The following CALD1 variants were observed in gnomAD, a reference collection of about 807,000 sequenced individuals.
CALD1 encodes caldesmon 1, also known as caldesmon.
A neutral mutation model predicts 99.9 loss-of-function variants in CALD1; 33 were observed. The ratio of observed to expected loss-of-function variants is 0.33; its 90% CI spans 0.25 to 0.44. CALD1 has a LOEUF of 0.44. CALD1 is among the 20% of genes least tolerant of loss of function. CALD1 has a pLI of 1.00. For synonymous variants in CALD1, 310 were observed against 325.0 expected (o/e 0.95, Z 0.50); for missense variants, 861 against 962.1 (o/e 0.89, Z 1.39).
intron 9 of CALD1, among the ~76,000 whole-genome samples, chr7:134,953,146 T>G (rs1687402765): frequency 6.6e-6 from 1 of 152,200 alleles, no homozygotes; most frequent in African/African-American, 2.4e-5. Flanking sequence ...GAAATATTAT[T>G]CTTCTTTTGA....
the CALD1 span, among the ~76,000 whole-genome samples, chr7:134,717,025 A>G: frequency 9.2e-5 from 14 of 152,242 alleles, no homozygotes; most frequent in East Asian, 1.5e-3. Flanking sequence ...TCTATCATCT[A>G]TCTATCTGTC....
In CALD1 at chr7:134,933,520, A is replaced by T; in HGVS notation, c.751A>T (p.Ile251Phe). The T allele has an allele frequency of 5.6e-6, 9 of 1,614,016 alleles. No individual in the cohort carries two copies. The highest frequency in any genetic ancestry group is 7.6e-6 in the Non-Finnish European group (9 of 1,179,970). ...GGAGAGGGAACAAGGTTCAGATGAGATTTCCCATCATGAAAAGATGGAAGA... is the reference window on the plus strand; with the variant it reads ...GGAGAGGGAACAAGGTTCAGATGAGTTTTCCCATCATGAAAAGATGGAAGA... ...EEEREQGSDE[I>F]SHHEKMEEED... is the part of the protein sequence containing the mutation. Residue 251 changes from isoleucine to phenylalanine, a missense_variant, in exon 5 of 15, where the codon ATT (isoleucine) becomes TTT (phenylalanine). By Grantham distance (21) the Ile-to-Phe change is conservative. Around this residue, in one of 5 missense-constraint regions of CALD1, gnomAD observed 234 missense variants for 233.1 expected, o/e 1.00. Transcript: ENST00000361675.
At chr7:134,897,848 A>T (rs538524118) in intron 3 of CALD1, among the ~76,000 whole-genome samples, 21 of 152,242 alleles carry the variant, frequency 1.4e-4, no homozygotes, top group Non-Finnish European at 5.9e-5. Flanking sequence ...CTGGGGCTAC[A>T]GATGTGTGCC....
At chr7:134,830,545 A>G (rs975997179) in intron 1 of CALD1, among the ~76,000 whole-genome samples, 27 of 151,952 alleles carry the variant, frequency 1.8e-4, no homozygotes, top group African/African-American at 6.5e-4. Context: ...TATTTTTCCT[A>G]ATCCTCTCTC....
chr7:134,712,697 T>A, the CALD1 span, among the ~76,000 whole-genome samples: 1 of 152,192 alleles, frequency 6.6e-6, no homozygotes, highest in Admixed American at 6.5e-5. Context: ...TGCGGAGACT[T>A]TGATGCTCAA....
At chr7:134,749,555 GTGAGCTAAGAT>G (rs1796666510) in intron 1 of CALD1, among the ~76,000 whole-genome samples, 1 of 152,198 alleles carries the variant, frequency 6.6e-6, no homozygotes, top group South Asian at 2.1e-4. Flanking sequence ...GGAAGTTGCA[GTGAGCTAAGAT>G]CGCGCCATTA....
the CALD1 span, among the ~76,000 whole-genome samples, chr7:134,733,373 G>C: frequency 2.0e-5 from 3 of 152,052 alleles, no homozygotes; most frequent in Non-Finnish European, 2.9e-5. Flanking sequence ...GGAGTTTATG[G>C]GAAAAATGTC....
the CALD1 span, among the ~76,000 whole-genome samples, chr7:134,722,326 A>G: frequency 1.2e-4 from 18 of 151,760 alleles, no homozygotes; most frequent in African/African-American, 3.9e-4. Flanking sequence ...TTCTTCTTCT[A>G]ATCTTTTGAT....
rs1554479082 is a variant in CALD1 at position 134,958,885 on chromosome 7, A to ATATATATATATATTTAAC, written c.2061+608_2061+609insTTAACTATATATATATAT. On this transcript the variant is annotated intron_variant, in intron 11 of 14. Transcript: ENST00000361675. ...TACTGGTATTTAAATATATATATAT[A>ATATATATATATATTTAAC]TATATATATATATATATATATATAT... Among the ~76,000 whole-genome samples the ATATATATATATATTTAAC allele has an allele frequency of 2.4e-3, 114 of 46,734 alleles. 1 individual carries two copies. Among genetic ancestry groups the ATATATATATATATTTAAC allele is most frequent in the South Asian group, 0.019 (25 of 1,336 alleles). The allele number at this position is 46,734 out of a possible 152,430, so 30.7% of individuals were successfully genotyped here. A position where few individuals can be genotyped will look rare whatever the true frequency, so the allele number is the denominator to read the frequency against.
At chr7:134,919,623 A>G (rs539109936) in intron 3 of CALD1, among the ~76,000 whole-genome samples, 14 of 152,300 alleles carry the variant, frequency 9.2e-5, no homozygotes, top group East Asian at 1.9e-4. Context: ...AAATATGTCT[A>G]TGTATGGGGA....
intron 1 of CALD1, among the ~76,000 whole-genome samples, chr7:134,750,672 G>A (rs1393601282): frequency 1.3e-5 from 2 of 151,894 alleles, no homozygotes; most frequent in African/African-American, 4.8e-5. Flanking sequence ...AAATTCTCTA[G>A]CACATACCCA....
chr7:134,862,718 T>G (rs1347875002), intron 2 of CALD1, among the ~76,000 whole-genome samples: 1 of 152,218 alleles, frequency 6.6e-6, no homozygotes, highest in Non-Finnish European at 1.5e-5. Context: ...ATGTAAACTA[T>G]GAACTTTAGT....
intron 1 of CALD1, among the ~76,000 whole-genome samples, chr7:134,827,370 A>G (rs764713484): frequency 2.0e-5 from 3 of 152,230 alleles, no homozygotes; most frequent in Non-Finnish European, 2.9e-5. Context: ...GATTAGGAAG[A>G]GAGTAAAAAC....
intron 7 of CALD1, among the ~76,000 whole-genome samples, chr7:134,945,494 A>ATAAGCAG (rs1290434843): frequency 1.1e-4 from 16 of 152,216 alleles, no homozygotes; most frequent in African/African-American, 3.4e-4. Flanking sequence ...TTAGAATCTG[A>ATAAGCAG]TCATGGCTCG....
At chr7:134,839,045 T>C (rs1430337218) in intron 1 of CALD1, among the ~76,000 whole-genome samples, 1 of 152,224 alleles carries the variant, frequency 6.6e-6, no homozygotes, top group African/African-American at 2.4e-5. Context: ...GAATACTACT[T>C]GCATTCAGAA....
At chr7:134,953,500 A>G (rs1807521000) in intron 9 of CALD1, among the ~76,000 whole-genome samples, 1 of 151,828 alleles carries the variant, frequency 6.6e-6, no homozygotes, top group Non-Finnish European at 1.5e-5. Context: ...AGGCAGCAAC[A>G]AAAGCAAAAC....
intron 3 of CALD1, among the ~76,000 whole-genome samples, chr7:134,921,837 TA>T (rs1195202695): frequency 6.6e-6 from 1 of 152,042 alleles, no homozygotes; most frequent in African/African-American, 2.4e-5. Context: ...ACTGATCTTT[TA>T]AATTTTAAAT....
intron 1 of CALD1, among the ~76,000 whole-genome samples, chr7:134,805,637 G>A (rs984638522): frequency 1.3e-5 from 2 of 152,100 alleles, no homozygotes; most frequent in African/African-American, 4.8e-5. Context: ...TCCATATATA[G>A]GAGCAAGGCA....
intron 2 of CALD1, among the ~76,000 whole-genome samples, chr7:134,844,580 C>A (rs1177944996): frequency 1.3e-5 from 2 of 152,234 alleles, no homozygotes; most frequent in African/African-American, 4.8e-5. Flanking sequence ...GCACACCACT[C>A]AGGCAATTGT....
Sources: gnomAD v4.1 joint callset for allele counts (sites outside exome capture counted in the v4.1 genomes callset) on GRCh38, gnomAD v4.1.1 for gene constraint, gnomAD v4.1.1 regional missense constraint, MANE v1.5 for transcripts, NCBI Gene and HGNC (gene_info 2026-07-23, HGNC 2026-07-21) for gene names.